TOP1: variants seen among roughly 807,000 people sequenced by gnomAD.
TOP1 encodes the protein DNA topoisomerase 1.
Under a neutral mutation model 111.1 loss-of-function variants are expected in TOP1, and 10 were observed. That is an observed-to-expected ratio of 0.09 (90% confidence interval 0.06 to 0.15). The LOEUF is 0.15. TOP1 is among the 10% of genes least tolerant of loss of function. The pLI is 1.00. For missense variants in TOP1, 474 were observed against 926.7 expected, an observed-to-expected ratio of 0.51 and a Z score of 6.34; for synonymous variants, 271 against 302.9, an observed-to-expected ratio of 0.89 and a Z score of 1.10.
intron 3 of TOP1, among the ~76,000 whole-genome samples, chr20:41,070,074 C>CG (rs1568684094): frequency 6.6e-6 from 1 of 152,026 alleles, no homozygotes; most frequent in Admixed American, 6.6e-5. Context: ...AACTAAAAAT[C>CG]GGGGGGAAAT....
intron 3 of TOP1, chr20:41,072,938 A>G (rs1214814483): frequency 9.1e-6 from 9 of 985,336 alleles, no homozygotes; most frequent in Non-Finnish European, 1.1e-5. Context: ...AGTCAGGATG[A>G]TAGCTTCATC....
chr20:41,061,373 A>G lies in TOP1; in HGVS notation c.59-21A>G. The G allele has an allele frequency of 1.9e-6, 3 of 1,612,078 alleles. No individual in the cohort carries two copies. Among genetic ancestry groups the G allele is most frequent in the Non-Finnish European group, 2.5e-6 (3 of 1,178,570 alleles). ...GATAGCTCATGACTCCTGTTAACTG[A>G]CTCATCTCTTATGGTTGCAGATTCT... On this transcript the variant is annotated intron_variant, in intron 2 of 20. Transcript: ENST00000361337. This position sits in a 1 kb window ranked among gnomAD's most constrained non-coding sequence, Gnocchi z 4.6.
At chr20:41,091,198 A>T (rs750421816) in intron 8 of TOP1, among the ~76,000 whole-genome samples, 6 of 152,340 alleles carry the variant, frequency 3.9e-5, no homozygotes, top group Non-Finnish European at 7.3e-5. Context: ...TGAATGATTG[A>T]TAATAAAATA....
At position 41,115,292 on chromosome 20, in the gene TOP1, GTTTC is replaced by G. The variant is rs1416322505; in HGVS notation, c.1639-75_1639-72del. ...GTTCCTTGTGCCTTTTTCTTTGCAAGTTTCTTTAAGTTTGGGGTTATTTCTAAAG... is the reference window on the plus strand; with the variant it reads ...GTTCCTTGTGCCTTTTTCTTTGCAAGTTTAAGTTTGGGGTTATTTCTAAAG... On this transcript the variant is annotated intron_variant, in intron 15 of 20. Transcript: ENST00000361337. The surrounding 1 kb of genome is among the most constrained non-coding windows in gnomAD (Gnocchi z 6.3). 6 of 982,564 alleles carry G rather than the reference GTTTC, an allele frequency of 6.1e-6. No individual in the cohort carries two copies. Among genetic ancestry groups the G allele is most frequent in the African/African-American group, 4.9e-5 (3 of 61,300 alleles). 60.9% of individuals were successfully genotyped at this position (982,564 alleles called of 1,614,324 possible). A position where few individuals can be genotyped will look rare whatever the true frequency, so the allele number is the denominator to read the frequency against.
Position 41,115,673 on chromosome 20 carries a change from C to T in TOP1, c.1707+234C>T, listed in dbSNP as rs2034318013. Reference sequence around the variant, plus strand: ...ACTCAGGGTGGGGGGTAGATGAGCCCTACCTTTTATCCTTCCCTGCTCCTG... The same window carrying T: ...ACTCAGGGTGGGGGGTAGATGAGCCTTACCTTTTATCCTTCCCTGCTCCTG... On this transcript the variant is annotated intron_variant, in intron 16 of 20. Transcript: ENST00000361337. The surrounding 1 kb of genome is among the most constrained non-coding windows in gnomAD (Gnocchi z 6.3). Among the ~76,000 whole-genome samples, 2 of 152,162 alleles carry T rather than the reference C, an allele frequency of 1.3e-5. No individual in the cohort carries two copies. The highest frequency in any genetic ancestry group is 4.1e-4 in the South Asian group (2 of 4,828).
At position 41,080,372 on chromosome 20, in the gene TOP1, G is replaced by C. The variant is rs1184936155; in HGVS notation, c.431+192G>C. Among the ~76,000 whole-genome samples the C allele has an allele frequency of 1.3e-5, 2 of 152,044 alleles. No individual in the cohort carries two copies. Among genetic ancestry groups the C allele is most frequent in the Admixed American group, 6.5e-5 (1 of 15,268 alleles). The stretch of plus-strand genomic sequence containing the variant: ...TTTGCTAAACAAGTAGTATACCCAA[G>C]GCTTACATGAAGATTATATAAATTT... On this transcript the variant is annotated intron_variant, in intron 6 of 20. Coordinates refer to ENST00000361337, the MANE Select transcript of TOP1 (RefSeq NM_003286.4). The surrounding 1 kb of genome is among the most constrained non-coding windows in gnomAD (Gnocchi z 5.0).
At position 41,047,814 on chromosome 20, in the gene TOP1, G is replaced by A. The variant is rs2033351769; in HGVS notation, c.59-13580G>A. 2.6e-5 allele frequency among the ~76,000 whole-genome samples: 4 copies of A among 152,292 alleles called. No individual in the cohort carries two copies. The South Asian group carries it at 8.3e-4, about 32-fold the overall frequency. ...GGAAGCTCACCAGGACTCTTGGTAT[G>A]TAGCCTCTAGCTCCCAAAGGCATCT... On this transcript the variant is annotated intron_variant, in intron 2 of 20. Transcript: ENST00000361337.
intron 2 of TOP1, among the ~76,000 whole-genome samples, chr20:41,047,082 C>A (rs915046784): frequency 2.6e-5 from 4 of 152,202 alleles, no homozygotes; most frequent in African/African-American, 9.6e-5. Context: ...TTCATTTAGA[C>A]CCTGAGCTTG....
rs1310900063 is a variant in TOP1 at position 41,116,494 on chromosome 20, A to G, written c.1822+102A>G. 33 of 850,906 alleles carry G rather than the reference A, an allele frequency of 3.9e-5. No individual in the cohort carries two copies. In the East Asian group the frequency reaches 8.4e-4, roughly 22 times the overall value. The allele number at this position is 850,906 out of a possible 1,614,324, so 52.7% of individuals were successfully genotyped here. ...GTCAGTTCTACTTTTTTTCCCTACC[A>G]TTGTGGTCAGACACTTTTTCCCTTT... On this transcript the variant is annotated intron_variant, in intron 17 of 20. Coordinates refer to ENST00000361337, the MANE Select transcript of TOP1 (RefSeq NM_003286.4). This position sits in a 1 kb window ranked among gnomAD's most constrained non-coding sequence, Gnocchi z 5.6.
intron 3 of TOP1, among the ~76,000 whole-genome samples, chr20:41,070,075 G>A (rs755882958): frequency 3.9e-5 from 6 of 152,088 alleles, no homozygotes; most frequent in Non-Finnish European, 7.4e-5. Context: ...ACTAAAAATC[G>A]GGGGGAAATG....
Position 41,067,562 on chromosome 20 carries a change from G to T in TOP1, c.155+6072G>T, listed in dbSNP as rs995350531. On this transcript the variant is annotated intron_variant, in intron 3 of 20. Transcript: ENST00000361337. The surrounding 1 kb of genome is among the most constrained non-coding windows in gnomAD (Gnocchi z 4.0). ...TCACATCTGAACCCCAGAATAATTA[G>T]TATTTAGCATGTTCTGTTCCAAAAT... Among the ~76,000 whole-genome samples, 1 of 152,212 alleles carries T rather than the reference G, an allele frequency of 6.6e-6. No homozygotes were observed. Among genetic ancestry groups the T allele is most frequent in the African/African-American group, 2.4e-5 (1 of 41,454 alleles).
At chr20:41,048,053 TTCC>T in intron 2 of TOP1, among the ~76,000 whole-genome samples, 1 of 151,548 alleles carries the variant, frequency 6.6e-6, no homozygotes. Flanking sequence ...AACCTCTTTC[TTCC>T]TCAATTGTAG....
chr20:41,074,810 A>G (rs1250871978), intron 3 of TOP1, among the ~76,000 whole-genome samples: 1 of 152,156 alleles, frequency 6.6e-6, no homozygotes, highest in Non-Finnish European at 1.5e-5. Flanking sequence ...TTTCCTGTGC[A>G]TTGGTTAGTG....
Position 41,094,993 on chromosome 20 carries a change from C to T in TOP1, c.731-2227C>T, listed in dbSNP as rs117991711. On this transcript the variant is annotated intron_variant, in intron 9 of 20. Transcript: ENST00000361337. The surrounding 1 kb of genome is among the most constrained non-coding windows in gnomAD (Gnocchi z 4.4). ...AATAGGAGGAGTCACAGTTGCTTCT[C>T]CCTCTATTAGGACAGAATTCAGTAA... 8.1e-4 allele frequency among the ~76,000 whole-genome samples: 124 copies of T among 152,288 alleles called. 1 individual carries two copies. In the East Asian group the frequency reaches 0.023, roughly 28 times the overall value.
Position 41,029,553 on chromosome 20 carries a change from A to G in TOP1, c.58+98A>G. 2.1e-6 allele frequency: 2 copies of G among 960,190 alleles called. No homozygotes were observed. Among genetic ancestry groups the G allele is most frequent in the Non-Finnish European group, 3.2e-6 (2 of 620,328 alleles). 59.5% of individuals were successfully genotyped at this position (960,190 alleles called of 1,614,324 possible). ...GGGCAGAGGACAGACATGGCGTCCC[A>G]GAGACTAAGTCCCGGCTCCTCGCTC... On this transcript the variant is annotated intron_variant, in intron 2 of 20. Coordinates refer to ENST00000361337, the MANE Select transcript of TOP1 (RefSeq NM_003286.4). This position sits in a 1 kb window ranked among gnomAD's most constrained non-coding sequence, Gnocchi z 6.1.
intron 4 of TOP1, among the ~76,000 whole-genome samples, chr20:41,076,651 T>C (rs2033730690): frequency 2.0e-5 from 3 of 152,238 alleles, no homozygotes; most frequent in African/African-American, 7.2e-5. Context: ...TGGTGTCTTT[T>C]GTGGCATTTG....
intron 2 of TOP1, among the ~76,000 whole-genome samples, chr20:41,049,928 C>A (rs779556117): frequency 7.2e-5 from 11 of 152,098 alleles, no homozygotes; most frequent in Admixed American, 1.3e-4. Flanking sequence ...GACAAAAATT[C>A]TTGTTTATAT....
chr20:41,097,142 A>C lies in TOP1; in HGVS notation c.731-78A>C. On this transcript the variant is annotated intron_variant, in intron 9 of 20. Transcript: ENST00000361337. This position sits in a 1 kb window ranked among gnomAD's most constrained non-coding sequence, Gnocchi z 4.2. ...ATGAGAAGGCAAACCATTATTAAAGAGAATTCGCTAGCCCTGGGTATTTAT... is the reference window on the plus strand; with the variant it reads ...ATGAGAAGGCAAACCATTATTAAAGCGAATTCGCTAGCCCTGGGTATTTAT... The C allele has an allele frequency of 6.6e-7, 1 of 1,513,884 alleles. No homozygotes were observed. The highest frequency in any genetic ancestry group is 8.9e-7 in the Non-Finnish European group (1 of 1,120,726). 93.8% of individuals were successfully genotyped at this position (1,513,884 alleles called of 1,614,324 possible). A position where few individuals can be genotyped will look rare whatever the true frequency, so the allele number is the denominator to read the frequency against.
At chr20:41,059,417 T>TAAATAAATAAATAAATAAAA (rs1394348081) in intron 2 of TOP1, among the ~76,000 whole-genome samples, 1 of 110,136 alleles carries the variant, frequency 9.1e-6, no homozygotes, top group Admixed American at 8.3e-5. Context: ...AGAAAATAAA[T>TAAATAAATAAATAAATAAAA]AAATAAATAA....
Sources: allele counts gnomAD v4.1 joint callset (sites outside exome capture counted in the v4.1 genomes callset), GRCh38; gene constraint gnomAD v4.1.1; non-coding constraint Gnocchi (gnomAD v3.1); transcripts MANE v1.5; gene names NCBI Gene and HGNC (gene_info 2026-07-23, HGNC 2026-07-21).